The following SYT14 variants were observed in gnomAD, a reference collection of about 807,000 sequenced individuals.
The protein encoded by SYT14 is synaptotagmin-14.
SYT14 carries 32 observed loss-of-function variants against 74.2 expected under a neutral mutation model. The observed-to-expected ratio is 0.43, with a 90% CI of 0.33 to 0.58. The LOEUF (loss-of-function observed/expected upper bound fraction) is 0.58. SYT14 is among the 20% of genes least tolerant of loss of function. The probability of loss-of-function intolerance (pLI) is 0.05; values close to 1 mark genes in which losing one functional copy is unlikely to be tolerated. For synonymous variants in SYT14, 298 were observed against 337.7 expected (o/e 0.88, Z 1.29); for missense variants, 791 against 981.8 (o/e 0.81, Z 2.60).
intron 5 of SYT14, among the ~76,000 whole-genome samples, chr1:210,059,451 T>TATATATATATAGAGAGAGAGAGAG (rs377050610): frequency 1.3e-4 from 9 of 69,898 alleles, no homozygotes; most frequent in Admixed American, 3.3e-4. Flanking sequence ...TATATATATA[T>TATATATATATAGAGAGAGAGAGAG]AGAGAGAGAG....
At position 210,017,003 on chromosome 1, in the gene SYT14, G is replaced by T. The variant is rs972876476; in HGVS notation, c.1000G>T (p.Glu334Ter). The T allele has an allele frequency of 1.6e-6, 2 of 1,231,630 alleles. No individual in the cohort carries two copies. Among genetic ancestry groups the T allele is most frequent in the African/African-American group, 3.1e-5 (2 of 64,372 alleles). 76.3% of individuals were successfully genotyped at this position (1,231,630 alleles called of 1,614,324 possible). ...TTCAACGAAATACTGTAAAGTGAAC[G>T]AAGACATAAAACCAAAGAAAACTGA... is the stretch of plus-strand genomic sequence containing the variant. The change falls in exon 4 of 10, where the codon GAA (glutamate) becomes TAA (stop). Residue 334 changes from glutamate (E) to a stop codon, truncating the protein, a stop_gained. Coordinates refer to ENST00000637265, the Ensembl canonical transcript of SYT14. LOFTEE classifies it high-confidence loss of function.
At chr1:210,005,742 G>C (rs2079977569) in intron 2 of SYT14, among the ~76,000 whole-genome samples, 1 of 151,878 alleles carries the variant, frequency 6.6e-6, no homozygotes, top group Admixed American at 6.6e-5. Context: ...AAAAGTCTCT[G>C]CCAGAGATTG....
chr1:209,995,271 A>G (rs2079767352), intron 2 of SYT14, among the ~76,000 whole-genome samples: 2 of 152,180 alleles, frequency 1.3e-5, no homozygotes, highest in Non-Finnish European at 2.9e-5. Flanking sequence ...TGACACCTGT[A>G]GGCGCAAAGG....
intron 7 of SYT14, among the ~76,000 whole-genome samples, chr1:210,130,568 C>A (rs2082653235): frequency 6.6e-6 from 1 of 152,124 alleles, no homozygotes; most frequent in Admixed American, 6.5e-5. Context: ...GCCAAGTGGC[C>A]CATTAATTAT....
chr1:210,132,808 C>G (rs2102645102), intron 7 of SYT14, among the ~76,000 whole-genome samples: 1 of 152,200 alleles, frequency 6.6e-6, no homozygotes, highest in South Asian at 2.1e-4. Context: ...TGACAAGTCC[C>G]TAGCCTCTCT....
At chr1:210,001,943 AG>A (rs1371139607) in intron 2 of SYT14, among the ~76,000 whole-genome samples, 2 of 152,164 alleles carry the variant, frequency 1.3e-5, no homozygotes, top group Non-Finnish European at 2.9e-5. Context: ...GCAGGAAATG[AG>A]GAGCCATTGG....
chr1:209,960,188 C>A (rs1214611438), intron 2 of SYT14, among the ~76,000 whole-genome samples: 1 of 152,046 alleles, frequency 6.6e-6, no homozygotes, highest in Non-Finnish European at 1.5e-5. Flanking sequence ...TTGTCCTGGC[C>A]TATTAGTATT....
At chr1:209,966,159 C>T (rs1007666249) in intron 2 of SYT14, 8 of 284,858 alleles carry the variant, frequency 2.8e-5, no homozygotes, top group Non-Finnish European at 4.9e-5. Flanking sequence ...CATGAGCCAC[C>T]GCGCCCGTTC....
chr1:210,124,561 T>C (rs2082529697), intron 7 of SYT14, among the ~76,000 whole-genome samples: 1 of 152,274 alleles, frequency 6.6e-6, no homozygotes, highest in East Asian at 1.9e-4. Flanking sequence ...GACCCCCTGA[T>C]GACATAAAAA....
chr1:210,106,602 T>G (rs911560756), intron 7 of SYT14, among the ~76,000 whole-genome samples: 4 of 152,100 alleles, frequency 2.6e-5, no homozygotes, highest in African/African-American at 9.7e-5. Flanking sequence ...GAAAAGCCCC[T>G]TATAAAACCA....
At chr1:209,938,905 A>G (rs532659544) in intron 1 of SYT14, among the ~76,000 whole-genome samples, 113 of 152,134 alleles carry the variant, frequency 7.4e-4, no homozygotes, top group South Asian at 5.2e-3. Context: ...AACACTCAAA[A>G]CTGTTTTTCT....
intron 5 of SYT14, among the ~76,000 whole-genome samples, chr1:210,066,428 GTGAGA>G (rs1328240638): frequency 6.6e-6 from 1 of 152,182 alleles, no homozygotes; most frequent in African/African-American, 2.4e-5. Context: ...TCTAACTGGT[GTGAGA>G]TGCTATCTCA....
At chr1:209,964,301 A>G (rs1475570112) in intron 2 of SYT14, among the ~76,000 whole-genome samples, 3 of 152,214 alleles carry the variant, frequency 2.0e-5, no homozygotes, top group Non-Finnish European at 4.4e-5. Context: ...CCAGCCGTGT[A>G]GAACTGTGAG....
chr1:210,070,836 C>G (rs1291214185), intron 5 of SYT14, among the ~76,000 whole-genome samples: 2 of 151,454 alleles, frequency 1.3e-5, no homozygotes, highest in African/African-American at 4.9e-5. Context: ...CAGTAGCAGT[C>G]ATGAGAGAAG....
At chr1:210,121,674 G>C (rs1037899506) in intron 7 of SYT14, among the ~76,000 whole-genome samples, 2 of 151,712 alleles carry the variant, frequency 1.3e-5, no homozygotes, top group African/African-American at 4.8e-5. Flanking sequence ...GGCGCCTGTA[G>C]TCCCAGCTAC....
At chr1:210,062,887 T>C (rs768903399) in intron 5 of SYT14, among the ~76,000 whole-genome samples, 11 of 151,940 alleles carry the variant, frequency 7.2e-5, no homozygotes, top group Admixed American at 1.3e-4. Context: ...ATGCTGTGTG[T>C]ATGCATGTAT....
intron 5 of SYT14, among the ~76,000 whole-genome samples, chr1:210,058,498 C>T (rs2081141197): frequency 6.6e-6 from 1 of 152,100 alleles, no homozygotes; most frequent in Non-Finnish European, 1.5e-5. Context: ...AACCAGCAAA[C>T]CAGGGAATTT....
intron 7 of SYT14, among the ~76,000 whole-genome samples, chr1:210,138,771 T>C (rs2082844609): frequency 6.6e-6 from 1 of 152,162 alleles, no homozygotes; most frequent in Non-Finnish European, 1.5e-5. Flanking sequence ...TTAAAAAGTT[T>C]CTGTAATGTT....
rs567718337 is a variant in SYT14, at chr1:210,108,145, C to G, written c.2034+7684C>G. ...GATGTCTGTATTTCATTAAATCTGG[C>G]TCTTGCTTACACTTCTGTGTGAACA... On this transcript the variant is annotated intron_variant, in intron 7 of 9. Coordinates refer to ENST00000637265, the Ensembl canonical transcript of SYT14. Among the ~76,000 whole-genome samples the G allele has an allele frequency of 1.4e-3, 212 of 152,274 alleles. 2 individuals carry two copies. Among genetic ancestry groups the G allele is most frequent in the African/African-American group, 4.9e-3 (205 of 41,550 alleles).
Sources: allele counts gnomAD v4.1 joint callset (sites outside exome capture counted in the v4.1 genomes callset), GRCh38; gene constraint gnomAD v4.1.1; transcripts MANE v1.5; gene names NCBI Gene and HGNC (gene_info 2026-07-23, HGNC 2026-07-21).